RAB31: variants seen among roughly 807,000 people sequenced by gnomAD.
RAB31 encodes ras-related protein Rab-31.
In RAB31, 21 loss-of-function variants were observed where a neutral mutation model predicts 25.6. The observed-to-expected ratio is 0.82, with a 90% CI of 0.58 to 1.18. The LOEUF is 1.18. RAB31 is among the 50% of genes most tolerant of loss of function. The probability of loss-of-function intolerance (pLI) is 0.00; values close to 1 mark genes in which losing one functional copy is unlikely to be tolerated. For missense variants in RAB31, 196 were observed against 250.1 expected, an observed-to-expected ratio of 0.78 and a Z score of 1.46; for synonymous variants, 87 against 84.0, an observed-to-expected ratio of 1.04 and a Z score of -0.20.
chr18:9,825,304 C>T (rs1378294892), intron 5 of RAB31, among the ~76,000 whole-genome samples: 1 of 152,144 alleles, frequency 6.6e-6, no homozygotes, highest in African/African-American at 2.4e-5. Flanking sequence ...TCTAGGACAG[C>T]AGATTGGCCT....
chr18:9,778,846 T>C (rs1415552238), intron 2 of RAB31, among the ~76,000 whole-genome samples: 1 of 152,232 alleles, frequency 6.6e-6, no homozygotes, highest in African/African-American at 2.4e-5. Context: ...ATGGAGAACA[T>C]AGTCAATTCA....
At chr18:9,818,640 T>C (rs907901267) in intron 5 of RAB31, among the ~76,000 whole-genome samples, 9 of 152,244 alleles carry the variant, frequency 5.9e-5, no homozygotes, top group African/African-American at 2.2e-4. Context: ...AATGTTCCTA[T>C]GAACAATCAT....
At chr18:9,839,723 G>A (rs2068722931) in intron 5 of RAB31, among the ~76,000 whole-genome samples, 1 of 152,160 alleles carries the variant, frequency 6.6e-6, no homozygotes, top group African/African-American at 2.4e-5. Flanking sequence ...TCCAGACGTG[G>A]AAGAGAAAGG....
At chr18:9,791,000 TAGTA>T (rs1472210636) in intron 2 of RAB31, among the ~76,000 whole-genome samples, 2 of 152,080 alleles carry the variant, frequency 1.3e-5, no homozygotes, top group Non-Finnish European at 2.9e-5. Context: ...AAAAAGAAAA[TAGTA>T]AGTGTTTAAT....
intron 6 of RAB31, among the ~76,000 whole-genome samples, chr18:9,854,808 T>C (rs149094368): frequency 6.6e-6 from 1 of 152,298 alleles, no homozygotes; most frequent in African/African-American, 2.4e-5. Context: ...TCTACATGGC[T>C]AGAGGCTAAA....
intron 3 of RAB31, among the ~76,000 whole-genome samples, chr18:9,796,746 A>G (rs763663918): frequency 2.5e-4 from 38 of 152,082 alleles, no homozygotes; most frequent in Non-Finnish European, 4.9e-4. Context: ...TTAACATTAA[A>G]TTATACATAA....
intron 1 of RAB31, among the ~76,000 whole-genome samples, chr18:9,759,296 A>C (rs1277734787): frequency 6.6e-6 from 1 of 151,896 alleles, no homozygotes; most frequent in East Asian, 1.9e-4. Context: ...TCAGCCTCCC[A>C]TGTACCTTGG....
At chr18:9,810,453 TG>T (rs1239864316) in intron 3 of RAB31, among the ~76,000 whole-genome samples, 1 of 152,244 alleles carries the variant, frequency 6.6e-6, no homozygotes, top group African/African-American at 2.4e-5. Context: ...TTTATCTTTT[TG>T]TCCTCCACCA....
At position 9,820,354 on chromosome 18, in the gene RAB31, C is replaced by T. The variant is rs150950700; in HGVS notation, c.380+5132C>T. Among the ~76,000 whole-genome samples, 262 of 152,176 alleles carry T rather than the reference C, an allele frequency of 1.7e-3. 3 individuals carry two copies. Among genetic ancestry groups the T allele is most frequent in the East Asian group, 9.6e-4 (5 of 5,190 alleles). On this transcript the variant is annotated intron_variant, in intron 5 of 6. Transcript: ENST00000578921. ...TCTTGCATTGCTGGGATAAATCACACTTGGTCATGATGCATAATCCTTTTT... is the reference window on the plus strand; with the variant it reads ...TCTTGCATTGCTGGGATAAATCACATTTGGTCATGATGCATAATCCTTTTT...
intron 1 of RAB31, among the ~76,000 whole-genome samples, chr18:9,759,364 T>C (rs2068275981): frequency 1.3e-5 from 2 of 152,102 alleles, no homozygotes; most frequent in South Asian, 4.2e-4. Context: ...AAAGACAGTG[T>C]CTCGCTATGT....
chr18:9,746,916 AT>A (rs1385241012), intron 1 of RAB31, among the ~76,000 whole-genome samples: 2 of 152,350 alleles, frequency 1.3e-5, no homozygotes, highest in African/African-American at 4.8e-5. Flanking sequence ...AAATGCATAA[AT>A]TGGACCTCAT....
intron 5 of RAB31, among the ~76,000 whole-genome samples, chr18:9,823,852 A>C (rs12956986): frequency 0.73 from 111,317 of 151,992 alleles, 41,289 homozygotes; most frequent in East Asian, 0.98. Context: ...GAAGGGGAAG[A>C]CTGCTGCCTG....
intron 6 of RAB31, chr18:9,856,267 T>A (rs936055610): frequency 2.0e-5 from 3 of 152,174 alleles, no homozygotes; most frequent in African/African-American, 7.2e-5. Flanking sequence ...TTCCTCAATT[T>A]TGCATTCTGT....
intron 6 of RAB31, among the ~76,000 whole-genome samples, chr18:9,849,960 A>G (rs927503831): frequency 2.0e-5 from 3 of 152,166 alleles, no homozygotes; most frequent in Non-Finnish European, 4.4e-5. Flanking sequence ...TGTCCAATTT[A>G]CATTTACAAA....
intron 1 of RAB31, among the ~76,000 whole-genome samples, chr18:9,715,080 G>T (rs1320233624): frequency 6.6e-6 from 1 of 152,156 alleles, no homozygotes; most frequent in Non-Finnish European, 1.5e-5. Flanking sequence ...CTTCTGGTTG[G>T]TTCCTGTGCC....
chr18:9,753,032 C>A (rs1456704771), intron 1 of RAB31, among the ~76,000 whole-genome samples: 1 of 152,214 alleles, frequency 6.6e-6, no homozygotes, highest in Non-Finnish European at 1.5e-5. Context: ...TACTGATATT[C>A]TCACATTATC....
chr18:9,855,854 A>G (rs1173604842), intron 6 of RAB31, among the ~76,000 whole-genome samples: 3 of 152,174 alleles, frequency 2.0e-5, no homozygotes, highest in Non-Finnish European at 4.4e-5. Context: ...TGAATCACAC[A>G]GCATTTCTCC....
intron 6 of RAB31, among the ~76,000 whole-genome samples, chr18:9,850,734 T>C (rs1709179304): frequency 6.6e-6 from 1 of 152,100 alleles, no homozygotes. Context: ...GGCATGGCGG[T>C]GTGCACCTGT....
At chr18:9,771,531 A>T (rs1395066282) in intron 1 of RAB31, among the ~76,000 whole-genome samples, 42 of 152,162 alleles carry the variant, frequency 2.8e-4, no homozygotes, top group Admixed American at 2.7e-3. Flanking sequence ...TGCGACAGCC[A>T]CTATTACCCT....
Sources: gnomAD v4.1 joint callset for allele counts (sites outside exome capture counted in the v4.1 genomes callset) on GRCh38, gnomAD v4.1.1 for gene constraint, MANE v1.5 for transcripts, NCBI Gene and HGNC (gene_info 2026-07-23, HGNC 2026-07-21) for gene names.